The following HNRNPA1L2 variants were observed in gnomAD, a reference collection of about 807,000 sequenced individuals.
HNRNPA1L2 encodes the protein heterogeneous nuclear ribonucleoprotein A1-like 2.
In HNRNPA1L2, 10 loss-of-function variants were observed where a neutral mutation model predicts 18.2. The ratio of observed to expected loss-of-function variants is 0.55; its 90% confidence interval spans 0.34 to 0.93. HNRNPA1L2 has a LOEUF of 0.93. Ranked by LOEUF, HNRNPA1L2 falls within the 40% of genes least tolerant of loss-of-function variation. The probability of loss-of-function intolerance (pLI) is 0.02; values close to 1 mark genes in which losing one functional copy is unlikely to be tolerated. For missense variants in HNRNPA1L2, 308 were observed against 394.4 expected, an observed-to-expected ratio of 0.78 and a Z score of 1.85; for synonymous variants, 124 against 138.6, an observed-to-expected ratio of 0.89 and a Z score of 0.74.
chr13:52,618,082 C>A, the HNRNPA1L2 span, among the ~76,000 whole-genome samples: 5 of 152,182 alleles, frequency 3.3e-5, no homozygotes, highest in Non-Finnish European at 7.3e-5. Flanking sequence ...TGGTCATAAA[C>A]CCCAAGTAAG....
the HNRNPA1L2 span, among the ~76,000 whole-genome samples, chr13:52,635,597 C>T: frequency 1.4e-5 from 2 of 147,926 alleles, no homozygotes; most frequent in Non-Finnish European, 3.0e-5. Context: ...CACACACACA[C>T]ACACACACAC....
At chr13:52,641,288 A>G (rs140937296), upstream of HNRNPA1L2, 8 of 152,310 alleles carry the variant, frequency 5.3e-5, no homozygotes, top group Non-Finnish European at 1.0e-4. Flanking sequence ...CCTCTGTAGT[A>G]TTGCATTTGA....
At chr13:52,617,812 TA>T in the HNRNPA1L2 span, 1 of 390,614 alleles carries the variant, frequency 2.6e-6, no homozygotes, top group Non-Finnish European at 4.6e-6. Context: ...GCTATTGCTT[TA>T]AATCTGAGAA....
chr13:52,639,977 C>T (rs1202834276), upstream of HNRNPA1L2, among the ~76,000 whole-genome samples: 1 of 145,830 alleles, frequency 6.9e-6, no homozygotes, highest in Admixed American at 7.0e-5. Context: ...CTGCAACTGT[C>T]ACCTCCCAGG....
At chr13:52,627,954 T>A in the HNRNPA1L2 span, among the ~76,000 whole-genome samples, 1 of 152,050 alleles carries the variant, frequency 6.6e-6, no homozygotes, top group Non-Finnish European at 1.5e-5. Flanking sequence ...TTCAGGTCTG[T>A]TTCCTTCTCT....
At chr13:52,637,109 C>T in the HNRNPA1L2 span, among the ~76,000 whole-genome samples, 1 of 152,186 alleles carries the variant, frequency 6.6e-6, no homozygotes, top group East Asian at 1.9e-4. Flanking sequence ...AGGCATGAGC[C>T]ACAGTGCCTG....
Position 52,642,620 on chromosome 13 carries a change from G to C in HNRNPA1L2, c.128G>C (p.Cys43Ser). 1 of 1,611,872 alleles carries C rather than the reference G, an allele frequency of 6.2e-7. No individual in the cohort carries two copies. Among genetic ancestry groups the C allele is most frequent in the Non-Finnish European group, 8.5e-7 (1 of 1,179,836 alleles). The change falls in exon 1 of 1, where the codon TGT becomes TCT. Residue 43 changes from cysteine to serine, a missense_variant. Physicochemically the swap from Cys to Ser is moderately radical, Grantham distance 112. Transcript: ENST00000357495. ...HFEQWGTLTD[C>S]VVMRDPNTKR... ...GAGCAATGGGGAACGCTCACAGACT[G>C]TGTGGTAATGAGAGATCCAAACACC...
Position 52,643,310 on chromosome 13 carries a change from T to C in HNRNPA1L2, c.818T>C (p.Phe273Ser). ...FGNYNNQSSN[F>S]GPMKGGNFGG... ...AATTACAACAATCAGTCTTCAAATTTTGGACCCATGAAGGGAGGAAATTTT... is the reference window on the plus strand; with the variant it reads ...AATTACAACAATCAGTCTTCAAATTCTGGACCCATGAAGGGAGGAAATTTT... The change falls in exon 1 of 1, where the codon TTT (phenylalanine) becomes TCT (serine). Residue 273 changes from phenylalanine (F) to serine (S), a missense_variant. Coordinates refer to ENST00000357495, the MANE Select transcript of HNRNPA1L2 (RefSeq NM_001389320.1). The C allele has an allele frequency of 6.3e-7, 1 of 1,596,624 alleles. No individual in the cohort carries two copies. Among genetic ancestry groups the C allele is most frequent in the South Asian group, 1.1e-5 (1 of 90,988 alleles).
chr13:52,639,887 T>TGTTTTGTTTTG (rs368448497), upstream of HNRNPA1L2, among the ~76,000 whole-genome samples: 7,716 of 126,782 alleles, frequency 0.061, 306 homozygotes, highest in South Asian at 0.081. Flanking sequence ...TTTTTTTTTT[T>TGTTTTGTTTTG]TTTTTTTTGT....
chr13:52,624,887 C>T, the HNRNPA1L2 span, among the ~76,000 whole-genome samples: 4 of 151,834 alleles, frequency 2.6e-5, no homozygotes, highest in East Asian at 1.9e-4. Context: ...AAAAATTAGC[C>T]GGGTGTGGTG....
At chr13:52,632,129 T>A in the HNRNPA1L2 span, among the ~76,000 whole-genome samples, 2 of 151,200 alleles carry the variant, frequency 1.3e-5, no homozygotes, top group Admixed American at 6.6e-5. Flanking sequence ...ATGGAGTTTT[T>A]AAAACTTAAT....
the HNRNPA1L2 span, among the ~76,000 whole-genome samples, chr13:52,620,753 A>G: frequency 1.3e-5 from 2 of 152,094 alleles, no homozygotes; most frequent in Non-Finnish European, 2.9e-5. Context: ...TCTACAAAAA[A>G]TTAGTCCCAA....
the HNRNPA1L2 span, among the ~76,000 whole-genome samples, chr13:52,634,407 A>G: frequency 6.6e-6 from 1 of 152,246 alleles, no homozygotes; most frequent in Non-Finnish European, 1.5e-5. Flanking sequence ...TTTATAAAAC[A>G]GTATCAAATG....
chr13:52,635,722 AT>A, the HNRNPA1L2 span, among the ~76,000 whole-genome samples: 2 of 151,994 alleles, frequency 1.3e-5, no homozygotes, highest in Non-Finnish European at 2.9e-5. Context: ...ACTCTTTTGC[AT>A]CTGGCTTGTT....
rs760624522 is a variant in HNRNPA1L2 at position 52,643,020 on chromosome 13, A to G, written c.528A>G (p.Glu176=). 2.5e-6 allele frequency: 4 copies of G among 1,597,630 alleles called. No homozygotes were observed. The highest frequency in any genetic ancestry group is 3.4e-6 in the Non-Finnish European group (4 of 1,179,810). Residue 176 remains glutamate, a synonymous_variant, in exon 1 of 1, where the codon GAA becomes GAG. Transcript: ENST00000357495. ...KYHTVKGHNC[E]VRKALPKQEM... ...ATACTGTGAAGGGCCACAACTGTGA[A>G]GTTAGAAAAGCCCTGCCAAAGCAAG...
At chr13:52,632,379 T>C in the HNRNPA1L2 span, 1 of 152,348 alleles carries the variant, frequency 6.6e-6, no homozygotes, top group African/African-American at 2.4e-5. Context: ...TTTCTCATAA[T>C]TTTGTTGACA....
At chr13:52,619,811 C>T in the HNRNPA1L2 span, among the ~76,000 whole-genome samples, 1 of 150,648 alleles carries the variant, frequency 6.6e-6, no homozygotes, top group Non-Finnish European at 1.5e-5. Context: ...GTCCCCGCTA[C>T]TCGGGAGGGT....
the HNRNPA1L2 span, among the ~76,000 whole-genome samples, chr13:52,628,754 A>C: frequency 1.3e-5 from 2 of 152,270 alleles, no homozygotes; most frequent in Non-Finnish European, 2.9e-5. Flanking sequence ...GACTTTTTAA[A>C]ATTTAATTTA....
the HNRNPA1L2 span, among the ~76,000 whole-genome samples, chr13:52,633,753 A>G: frequency 6.6e-6 from 1 of 152,188 alleles, no homozygotes; most frequent in East Asian, 1.9e-4. Context: ...TCGATGCTGC[A>G]ATGAGTTACA....
Sources: allele counts gnomAD v4.1 joint callset (sites outside exome capture counted in the v4.1 genomes callset), GRCh38; gene constraint gnomAD v4.1.1; transcripts MANE v1.5; gene names NCBI Gene and HGNC (gene_info 2026-07-23, HGNC 2026-07-21).